The following TTC23 variants were observed in gnomAD, a reference collection of about 807,000 sequenced individuals.
TTC23 encodes the protein tetratricopeptide repeat domain 23.
In TTC23, 58 loss-of-function variants were observed where a neutral mutation model predicts 55.1. The ratio of observed to expected loss-of-function variants is 1.05; its 90% CI spans 0.85 to 1.31. The LOEUF (loss-of-function observed/expected upper bound fraction) is 1.31, where lower values mean the gene tolerates loss of function less well. Ranked by LOEUF, TTC23 falls within the 50% of genes most tolerant of loss-of-function variation. The pLI, the probability that TTC23 is intolerant of heterozygous loss-of-function variation, is 0.00. For synonymous variants in TTC23, 203 were observed against 199.9 expected (o/e 1.02, Z -0.13); for missense variants, 516 against 534.4 (o/e 0.97, Z 0.34).
At chr15:99,166,786 T>C (rs2072168665) in intron 10 of TTC23, among the ~76,000 whole-genome samples, 1 of 151,892 alleles carries the variant, frequency 6.6e-6, no homozygotes, top group African/African-American at 2.4e-5. Context: ...AGATAGAGGG[T>C]TCCCAGACGG....
At chr15:99,148,609 C>T (rs1383440502) in intron 12 of TTC23, 1 of 152,116 alleles carries the variant, frequency 6.6e-6, no homozygotes, top group Non-Finnish European at 1.5e-5. Flanking sequence ...CAGATGATGA[C>T]TGGACCCAAA....
chr15:99,203,594 C>A (rs958103030), intron 8 of TTC23, among the ~76,000 whole-genome samples: 2 of 152,112 alleles, frequency 1.3e-5, no homozygotes, highest in Admixed American at 1.3e-4. Context: ...TATTTTTATA[C>A]CCAATAGTTT....
intron 4 of TTC23, among the ~76,000 whole-genome samples, chr15:99,234,042 T>C (rs1236526122): frequency 6.6e-6 from 1 of 152,090 alleles, no homozygotes; most frequent in African/African-American, 2.4e-5. Flanking sequence ...TAACTCAAAA[T>C]TGAACATAGA....
chr15:99,156,387 G>C, intron 11 of TTC23, 90 bp from the exon 12 acceptor site: 1 of 1,479,504 alleles, frequency 6.8e-7, no homozygotes, highest in African/African-American at 1.4e-5. Flanking sequence ...CATGGGTGTG[G>C]TAGTCTCACG....
At chr15:99,215,935 G>A (rs957743538) in intron 8 of TTC23, among the ~76,000 whole-genome samples, 12 of 152,044 alleles carry the variant, frequency 7.9e-5, no homozygotes, top group South Asian at 2.1e-4. Context: ...TTTTTAAAAG[G>A]TATTGTAGGA....
chr15:99,228,412 A>G (rs970360499), intron 5 of TTC23, 121 bp downstream of exon 5: 1 of 884,466 alleles, frequency 1.1e-6, no homozygotes, highest in Non-Finnish European at 1.7e-6. Context: ...GCACTGTCTT[A>G]TATACTTTCT....
chr15:99,175,252 C>A, intron 9 of TTC23, 97 bp from the exon 10 acceptor site: 2 of 931,796 alleles, frequency 2.1e-6, no homozygotes, highest in South Asian at 1.5e-5. Context: ...AGCCAAGGAA[C>A]TTTCCAGCAA....
intron 9 of TTC23, among the ~76,000 whole-genome samples, chr15:99,187,469 C>CAACAA (rs2074815800): frequency 9.0e-6 from 1 of 110,648 alleles, no homozygotes; most frequent in African/African-American, 3.5e-5. Context: ...AAAAAAAAAA[C>CAACAA]AAAACAAAAG....
At chr15:99,184,508 A>G (rs2074477309) in intron 9 of TTC23, among the ~76,000 whole-genome samples, 1 of 152,204 alleles carries the variant, frequency 6.6e-6, no homozygotes, top group Non-Finnish European at 1.5e-5. Flanking sequence ...AGGTTTAATT[A>G]CTACCTTATT....
intron 5 of TTC23, among the ~76,000 whole-genome samples, chr15:99,224,074 A>G (rs2078182798): frequency 6.6e-6 from 1 of 152,220 alleles, no homozygotes. Context: ...ACCCTAAAAC[A>G]ACATTTTTCT....
intron 3 of TTC23, among the ~76,000 whole-genome samples, chr15:99,237,146 T>A (rs1414280456): frequency 1.3e-5 from 2 of 151,976 alleles, no homozygotes; most frequent in African/African-American, 4.8e-5. Flanking sequence ...CATGCCCAGC[T>A]AACTTTTGTA....
chr15:99,235,673 T>G (rs2079264981), intron 3 of TTC23, among the ~76,000 whole-genome samples: 1 of 152,146 alleles, frequency 6.6e-6, no homozygotes, highest in African/African-American at 2.4e-5. Flanking sequence ...CCCGGACCAT[T>G]TTAACCATTT....
At position 99,188,806 on chromosome 15, in the gene TTC23, A is replaced by G. The variant is rs117880495; in HGVS notation, c.759+11113T>C. ...TTGGAATTAACTCAAAAGCTTGACA[A>G]TGTACTTTGTTGAAACAGGTTGTGG... On this transcript the variant is annotated intron_variant, in intron 9 of 13. Coordinates refer to ENST00000394132, the MANE Select transcript of TTC23 (RefSeq NM_001288615.3). 2.0e-4 allele frequency among the ~76,000 whole-genome samples: 30 copies of G among 152,238 alleles called. No individual in the cohort carries two copies. In the East Asian group the frequency reaches 3.5e-3, roughly 18 times the overall value.
rs1200217032 is a variant in TTC23, at chr15:99,136,414, C to G, written c.*1596G>C. ...AAAGCCGTAGCCTGAAAGGCTTAAA[C>G]AACAAACATTTATTTCTTACAGTTC... is the stretch of plus-strand genomic sequence containing the variant. On this transcript the variant is annotated 3_prime_UTR_variant, in exon 14 of 14. Coordinates refer to ENST00000394132, the MANE Select transcript of TTC23 (RefSeq NM_001288615.3). 2 of 152,252 alleles carry G rather than the reference C, an allele frequency of 1.3e-5. No individual in the cohort carries two copies. The highest frequency in any genetic ancestry group is 2.9e-5 in the Non-Finnish European group (2 of 68,058). The allele number at this position is 152,252 out of a possible 1,614,324, so 9.4% of individuals were successfully genotyped here.
chr15:99,184,065 A>G (rs1320984373), intron 9 of TTC23, among the ~76,000 whole-genome samples: 1 of 152,234 alleles, frequency 6.6e-6, no homozygotes, highest in East Asian at 1.9e-4. Context: ...GCTTGCAGGT[A>G]CACAGAAGTC....
At chr15:99,197,989 CT>C (rs1567457964) in intron 9 of TTC23, among the ~76,000 whole-genome samples, 1 of 152,116 alleles carries the variant, frequency 6.6e-6, no homozygotes. Flanking sequence ...TCCTGGCAGT[CT>C]TTCTCTGTTT....
intron 2 of TTC23, among the ~76,000 whole-genome samples, chr15:99,244,420 C>A (rs888181379): frequency 6.6e-6 from 1 of 152,074 alleles, no homozygotes; most frequent in South Asian, 2.1e-4. Context: ...AAATCGCCCC[C>A]CCCAATTAGA....
At chr15:99,212,992 AAAAAAAAAAAAAAAG>A (rs1467414802) in intron 8 of TTC23, among the ~76,000 whole-genome samples, 1 of 131,158 alleles carries the variant, frequency 7.6e-6, no homozygotes, top group Non-Finnish European at 1.7e-5. Context: ...CTCAAAAAAA[AAAAAAAAAAAAAAAG>A]GGGGGGACAT....
intron 12 of TTC23, among the ~76,000 whole-genome samples, chr15:99,152,483 T>G (rs1555497452): frequency 6.6e-6 from 1 of 151,244 alleles, no homozygotes; most frequent in African/African-American, 2.4e-5. Flanking sequence ...TTCAAGCGAC[T>G]CTCCTGCCTC....
Sources: gnomAD v4.1 joint callset for allele counts (sites outside exome capture counted in the v4.1 genomes callset) on GRCh38, gnomAD v4.1.1 for gene constraint, MANE v1.5 for transcripts, NCBI Gene and HGNC (gene_info 2026-07-23, HGNC 2026-07-21) for gene names.